Variants in HSD17B1 observed in about 807,000 individuals in gnomAD.
The protein encoded by HSD17B1 is 17-beta-hydroxysteroid dehydrogenase type 1.
In HSD17B1, 16 loss-of-function variants were observed where a neutral mutation model predicts 22.7. The ratio of observed to expected loss-of-function variants is 0.71; its 90% CI spans 0.48 to 1.07. The LOEUF (loss-of-function observed/expected upper bound fraction) is 1.07, where lower values mean the gene tolerates loss of function less well. Among genes scored for constraint, HSD17B1 ranks in the 50% least tolerant of loss-of-function variants. The pLI, the probability that HSD17B1 is intolerant of heterozygous loss-of-function variation, is 0.00. For synonymous variants in HSD17B1, 243 were observed against 211.0 expected, an observed-to-expected ratio of 1.15 and a Z score of -1.31; for missense variants, 533 against 459.9, an observed-to-expected ratio of 1.16 and a Z score of -1.45.
rs1342937293 is a variant in HSD17B1, at chr17:42,553,197, G to A, written c.171G>A (p.Pro57=). Residue 57 remains proline (P), a synonymous_variant, in exon 2 of 6, where the codon CCG becomes CCA. Transcript: ENST00000585807. ...CGGCCCGGGCCCTGGCATGCCCTCCGGGATCCCTGGAGACGTTGCAGCTGG... is the reference window on the plus strand; with the variant it reads ...CGGCCCGGGCCCTGGCATGCCCTCCAGGATCCCTGGAGACGTTGCAGCTGG... ...WEAARALACP[P]GSLETLQLDV... The A allele has an allele frequency of 5.0e-6, 8 of 1,613,620 alleles. No individual in the cohort carries two copies. The highest frequency in any genetic ancestry group is 1.3e-5 in the African/African-American group (1 of 74,946).
Position 42,554,900 on chromosome 17 carries a change from G to A in HSD17B1, c.949G>A (p.Asp317Asn). The A allele has an allele frequency of 2.0e-6, 3 of 1,508,468 alleles. No homozygotes were observed. Among genetic ancestry groups the A allele is most frequent in the South Asian group, 1.3e-5 (1 of 79,600 alleles). 93.4% of individuals were successfully genotyped at this position (1,508,468 alleles called of 1,614,324 possible). ...EDEAGRGAVGDPELGDPPAAP... is the reference protein window; with the variant it reads ...EDEAGRGAVGNPELGDPPAAP... ...CGAGGCCGGGCGCGGTGCGGTGGGG[G>A]ACCCTGAGCTCGGCGATCCTCCGGC... The change falls in exon 6 of 6, where the codon GAC (aspartate) becomes AAC (asparagine). Residue 317 changes from aspartate to asparagine, a missense_variant. Coordinates refer to ENST00000585807, the MANE Select transcript of HSD17B1 (RefSeq NM_000413.4).
chr17:42,554,959 T>A lies in HSD17B1; in HGVS notation c.*21T>A. On this transcript the variant is annotated 3_prime_UTR_variant, in exon 6 of 6. Coordinates refer to ENST00000585807, the MANE Select transcript of HSD17B1 (RefSeq NM_000413.4). ...AGTAAAGGCTTCCTCAGCCGCTGTC[T>A]CCCGCGCCCTTCTTTGTCCCCTGGG... The A allele has an allele frequency of 6.9e-7, 1 of 1,445,560 alleles. No homozygotes were observed. Among genetic ancestry groups the A allele is most frequent in the African/African-American group, 1.4e-5 (1 of 68,972 alleles). 89.5% of individuals were successfully genotyped at this position (1,445,560 alleles called of 1,614,324 possible).
chr17:42,553,199 G>A lies in HSD17B1; in HGVS notation c.173G>A (p.Gly58Glu), dbSNP rs2092949254. Reference sequence around the variant, plus strand: ...GCCCGGGCCCTGGCATGCCCTCCGGGATCCCTGGAGACGTTGCAGCTGGAC... The same window carrying A: ...GCCCGGGCCCTGGCATGCCCTCCGGAATCCCTGGAGACGTTGCAGCTGGAC... ...EAARALACPP[G>E]SLETLQLDVR... Residue 58 changes from glycine (G) to glutamate (E), a missense_variant, in exon 2 of 6, where the codon GGA becomes GAA. Physicochemically the swap from Gly to Glu is moderately conservative, Grantham distance 98. Coordinates refer to ENST00000585807, the MANE Select transcript of HSD17B1 (RefSeq NM_000413.4). The A allele has an allele frequency of 3.1e-6, 5 of 1,613,776 alleles. No individual in the cohort carries two copies. The highest frequency in any genetic ancestry group is 4.2e-6 in the Non-Finnish European group (5 of 1,180,026).
Position 42,553,814 on chromosome 17 carries a change from T to A in HSD17B1, c.466T>A (p.Tyr156Asn). 6 of 1,613,290 alleles carry A rather than the reference T, an allele frequency of 3.7e-6. No individual in the cohort carries two copies. Among genetic ancestry groups the A allele is most frequent in the Non-Finnish European group, 5.1e-6 (6 of 1,179,634 alleles). Reference protein sequence around the residue: ...GLMGLPFNDVYCASKFALEGL... With the variant: ...GLMGLPFNDVNCASKFALEGL... ...CTAAGGGCTGCCTTTCAATGACGTT[T>A]ATTGCGCCAGCAAGTTCGCGCTCGA... The change falls in exon 4 of 6, where the codon TAT becomes AAT. Residue 156 changes from tyrosine to asparagine, a missense_variant. Tyr to Asn is a moderately radical substitution (Grantham distance 143). Coordinates refer to ENST00000585807, the MANE Select transcript of HSD17B1 (RefSeq NM_000413.4).
Position 42,554,938 on chromosome 17 carries a change from A to C in HSD17B1, c.987A>C (p.Ter329TyrextTer32). The change falls in exon 6 of 6, where the codon TAA becomes TAC. Residue 329 changes from the stop codon to tyrosine, a stop_lost. Coordinates refer to ENST00000585807, the MANE Select transcript of HSD17B1 (RefSeq NM_000413.4). ...ELGDPPAAPQ* is the reference protein window; with the variant it reads ...ELGDPPAAPQY ...GCGATCCTCCGGCCGCCCCGCAGTA[A>C]AGGCTTCCTCAGCCGCTGTCTCCCG... The C allele has an allele frequency of 6.8e-7, 1 of 1,463,420 alleles. No homozygotes were observed. Among genetic ancestry groups the C allele is most frequent in the Non-Finnish European group, 9.0e-7 (1 of 1,116,128 alleles). The allele number at this position is 1,463,420 out of a possible 1,614,324, so 90.7% of individuals were successfully genotyped here.
chr17:42,553,967 C>A, intron 4 of HSD17B1, 80 bp downstream of exon 4: 1 of 1,220,770 alleles, frequency 8.2e-7, no homozygotes, highest in South Asian at 1.3e-5. Flanking sequence ...GGGAGCCGCT[C>A]TGGGGCGATC....
chr17:42,554,332 G>A, intron 4 of HSD17B1, 73 bp from the exon 5 acceptor site: 1 of 1,491,466 alleles, frequency 6.7e-7, no homozygotes. Context: ...TTGGGGCTGG[G>A]ACTGGGGTTG....
In HSD17B1 at chr17:42,554,782, C is replaced by G. The variant is rs2092957478; in HGVS notation, c.831C>G (p.Val277=). ...RLDDPSGSNY[V]TAMHREVFGD... is the part of the protein sequence containing the mutation. ...ACGACCCCAGCGGCTCCAACTACGT[C>G]ACCGCCATGCACCGGGAAGTGTTCG... The change falls in exon 6 of 6, where the codon GTC becomes GTG. Residue 277 remains valine (V), a synonymous_variant. Coordinates refer to ENST00000585807, the MANE Select transcript of HSD17B1 (RefSeq NM_000413.4). 1 of 1,602,742 alleles carries G rather than the reference C, an allele frequency of 6.2e-7. No homozygotes were observed.
chr17:42,555,105 G>T lies in HSD17B1; in HGVS notation c.*167G>T. On this transcript the variant is annotated 3_prime_UTR_variant, in exon 6 of 6. Transcript: ENST00000585807. ...GATGGCTGTCGCCTGTAATGCCAGC[G>T]CTTTGGGAGGCGGAGGCAGGAGGAT... 7.5e-7 allele frequency: 1 copy of T among 1,330,838 alleles called. No individual in the cohort carries two copies. Among genetic ancestry groups the T allele is most frequent in the South Asian group, 1.9e-5 (1 of 53,612 alleles). 82.4% of individuals were successfully genotyped at this position (1,330,838 alleles called of 1,614,324 possible). A position where few individuals can be genotyped will look rare whatever the true frequency, so the allele number is the denominator to read the frequency against.
chr17:42,553,546 G>A lies in HSD17B1; in HGVS notation c.373G>A (p.Ala125Thr). Reference protein sequence around the residue: ...NVVGTVRMLQAFLPDMKRRGS... With the variant: ...NVVGTVRMLQTFLPDMKRRGS... Reference sequence around the variant, plus strand: ...AGTAGGGACTGTGCGGATGCTGCAGGCCTTCCTGCCAGACATGAAGAGGCG... The same window carrying A: ...AGTAGGGACTGTGCGGATGCTGCAGACCTTCCTGCCAGACATGAAGAGGCG... The change falls in exon 3 of 6, where the codon GCC becomes ACC. Residue 125 changes from alanine (A) to threonine (T), a missense_variant. By Grantham distance (58) the Ala-to-Thr change is moderately conservative. Coordinates refer to ENST00000585807, the MANE Select transcript of HSD17B1 (RefSeq NM_000413.4). 6.2e-7 allele frequency: 1 copy of A among 1,613,904 alleles called. No individual in the cohort carries two copies. Among genetic ancestry groups the A allele is most frequent in the African/African-American group, 1.3e-5 (1 of 75,058 alleles).
rs771388222 is a variant in HSD17B1, at chr17:42,553,225, G to A, written c.199G>A (p.Val67Ile). Residue 67 changes from valine (V) to isoleucine (I), a missense_variant, in exon 2 of 6, where the codon GTA (valine) becomes ATA (isoleucine). Transcript: ENST00000585807. ...PGSLETLQLD[V>I]RDSKSVAAAR... ...ATCCCTGGAGACGTTGCAGCTGGACGTAAGGGACTCAAAATCCGTGGCCGC... is the reference window on the plus strand; with the variant it reads ...ATCCCTGGAGACGTTGCAGCTGGACATAAGGGACTCAAAATCCGTGGCCGC... The A allele has an allele frequency of 1.4e-5, 22 of 1,613,484 alleles. No individual in the cohort carries two copies. Among genetic ancestry groups the A allele is most frequent in the South Asian group, 8.8e-5 (8 of 91,092 alleles).
In HSD17B1 at chr17:42,554,591, C is replaced by T. The variant is rs747497249; in HGVS notation, c.717+9C>T. ...CTGAGGAGGTGGCGGAGGTGAGCGC[C>T]GGGCTGGACTCCAGGAGTGGGGGCG... On this transcript the variant is annotated intron_variant, in intron 5 of 5. Coordinates refer to ENST00000585807, the MANE Select transcript of HSD17B1 (RefSeq NM_000413.4). The T allele has an allele frequency of 1.9e-6, 3 of 1,612,408 alleles. No individual in the cohort carries two copies. Among genetic ancestry groups the T allele is most frequent in the South Asian group, 1.1e-5 (1 of 91,044 alleles).
At position 42,553,224 on chromosome 17, in the gene HSD17B1, C is replaced by T. The variant is rs145038748; in HGVS notation, c.198C>T (p.Asp66=). 17 of 1,613,482 alleles carry T rather than the reference C, an allele frequency of 1.1e-5. No homozygotes were observed. The highest frequency in any genetic ancestry group is 4.0e-5 in the African/African-American group (3 of 74,940). ...PPGSLETLQL[D]VRDSKSVAAA... ...GATCCCTGGAGACGTTGCAGCTGGACGTAAGGGACTCAAAATCCGTGGCCG... is the reference window on the plus strand; with the variant it reads ...GATCCCTGGAGACGTTGCAGCTGGATGTAAGGGACTCAAAATCCGTGGCCG... Residue 66 remains aspartate (D), a synonymous_variant, in exon 2 of 6, where the codon GAC becomes GAT. Transcript: ENST00000585807.
In HSD17B1 at chr17:42,553,160, G is replaced by T. The variant is rs771458442; in HGVS notation, c.134G>T (p.Arg45Leu). ...ATLRDLKTQG[R>L]LWEAARALAC... The stretch of plus-strand genomic sequence containing the variant: ...TTGAGGGACCTGAAAACACAGGGCC[G>T]GCTGTGGGAGGCGGCCCGGGCCCTG... The change falls in exon 2 of 6, where the codon CGG (arginine) becomes CTG (leucine). Residue 45 changes from arginine (R) to leucine (L), a missense_variant. By Grantham distance (102) the Arg-to-Leu change is moderately radical. Coordinates refer to ENST00000585807, the MANE Select transcript of HSD17B1 (RefSeq NM_000413.4). The T allele has an allele frequency of 2.5e-6, 4 of 1,613,722 alleles. No individual in the cohort carries two copies. The South Asian group carries it at 4.4e-5, about 18-fold the overall frequency.
At position 42,554,380 on chromosome 17, in the gene HSD17B1, C is replaced by A. The variant is rs773490706; in HGVS notation, c.540-25C>A. Reference sequence around the variant, plus strand: ...GGGCCTGGCTGGCGTCCGCCCCCTCCCACTCGTTGCTCTCCGGCCAGCAGC... The same window carrying A: ...GGGCCTGGCTGGCGTCCGCCCCCTCACACTCGTTGCTCTCCGGCCAGCAGC... On this transcript the variant is annotated intron_variant, in intron 4 of 5. Transcript: ENST00000585807. The A allele has an allele frequency of 9.5e-6, 15 of 1,578,816 alleles. No homozygotes were observed. In the South Asian group the frequency reaches 1.7e-4, roughly 18 times the overall value.
chr17:42,553,732 C>T, intron 3 of HSD17B1, 62 bp from the exon 4 acceptor site: 1 of 1,596,050 alleles, frequency 6.3e-7, no homozygotes, highest in Non-Finnish European at 8.6e-7. Flanking sequence ...TGGAGGGGCA[C>T]CGTCTGCCCG....
chr17:42,554,722 C>A lies in HSD17B1; in HGVS notation c.771C>A (p.Thr257=), dbSNP rs749611073. 4 of 1,603,604 alleles carry A rather than the reference C, an allele frequency of 2.5e-6. No individual in the cohort carries two copies. The highest frequency in any genetic ancestry group is 1.7e-4 in the Middle Eastern group (1 of 6,056). ...AGCCGACCCTGCGCTACTTCACCAC[C>A]GAGCGCTTCCTGCCCCTGCTGCGGA... ...APKPTLRYFT[T]ERFLPLLRMR... is the part of the protein sequence containing the mutation. The change falls in exon 6 of 6, where the codon ACC becomes ACA. Residue 257 remains threonine, a synonymous_variant. Transcript: ENST00000585807.
chr17:42,554,758 C>A lies in HSD17B1; in HGVS notation c.807C>A (p.Asp269Glu), dbSNP rs1379297901. Residue 269 changes from aspartate (D) to glutamate (E), a missense_variant, in exon 6 of 6, where the codon GAC becomes GAA. Physicochemically the swap from Asp to Glu is conservative, Grantham distance 45. Coordinates refer to ENST00000585807, the MANE Select transcript of HSD17B1 (RefSeq NM_000413.4). ...RFLPLLRMRL[D>E]DPSGSNYVTA... Reference sequence around the variant, plus strand: ...TGCCCCTGCTGCGGATGCGCCTGGACGACCCCAGCGGCTCCAACTACGTCA... The same window carrying A: ...TGCCCCTGCTGCGGATGCGCCTGGAAGACCCCAGCGGCTCCAACTACGTCA... 6.2e-7 allele frequency: 1 copy of A among 1,603,740 alleles called. No homozygotes were observed. The highest frequency in any genetic ancestry group is 1.7e-5 in the Admixed American group (1 of 60,012).
At chr17:42,554,043 C>T in intron 4 of HSD17B1, 156 bp downstream of exon 4, 3 of 711,630 alleles carry the variant, frequency 4.2e-6, no homozygotes, top group Non-Finnish European at 2.4e-6. Context: ...GCGCATGGCA[C>T]GCATTGTGCC....
Sources: gnomAD v4.1 joint callset for allele counts on GRCh38, gnomAD v4.1.1 for gene constraint, MANE v1.5 for transcripts, NCBI Gene and HGNC (gene_info 2026-07-23, HGNC 2026-07-21) for gene names.